The following FHIP1A variants were observed in gnomAD, a reference collection of about 807,000 sequenced individuals.
FHIP1A encodes the protein FHF complex subunit HOOK interacting protein 1A.
FHIP1A carries 61 observed loss-of-function variants against 88.6 expected under a neutral mutation model. The observed-to-expected ratio is 0.69, with a 90% CI of 0.56 to 0.85. The LOEUF is 0.85. FHIP1A is among the 40% of genes least tolerant of loss of function. The probability of loss-of-function intolerance (pLI) is 0.00; values close to 1 mark genes in which losing one functional copy is unlikely to be tolerated. For synonymous variants in FHIP1A, 478 were observed against 496.0 expected, an observed-to-expected ratio of 0.96 and a Z score of 0.48; for missense variants, 1,154 against 1,273.5, an observed-to-expected ratio of 0.91 and a Z score of 1.43.
intron 13 of FHIP1A, among the ~76,000 whole-genome samples, chr4:151,660,632 G>T (rs961905862): frequency 3.3e-5 from 5 of 152,226 alleles, no homozygotes; most frequent in East Asian, 3.9e-4. Context: ...TCTAGCAGAG[G>T]TGATAAAACA....
intron 1 of FHIP1A, among the ~76,000 whole-genome samples, chr4:151,444,385 A>T (rs1278108378): frequency 6.6e-6 from 1 of 152,198 alleles, no homozygotes; most frequent in African/African-American, 2.4e-5. Flanking sequence ...AAGAATATAC[A>T]TAAGTACATG....
intron 1 of FHIP1A, among the ~76,000 whole-genome samples, chr4:151,436,965 C>T (rs1461861008): frequency 6.6e-6 from 1 of 151,952 alleles, no homozygotes; most frequent in Non-Finnish European, 1.5e-5. Context: ...AAATACTATG[C>T]AAATAGTTGT....
intron 1 of FHIP1A, 85 bp downstream of exon 1, chr4:151,409,550 C>T (rs1732517003): frequency 6.5e-6 from 1 of 152,692 alleles, no homozygotes. Flanking sequence ...TCGAAATGTC[C>T]CTTCTCTGCA....
At chr4:151,536,266 T>C (rs1317150372) in intron 3 of FHIP1A, among the ~76,000 whole-genome samples, 8 of 152,220 alleles carry the variant, frequency 5.3e-5, no homozygotes, top group Non-Finnish European at 1.2e-4. Context: ...GCTATTGACA[T>C]TGATACAGTT....
chr4:151,562,908 A>G (rs1356354366), intron 3 of FHIP1A, among the ~76,000 whole-genome samples: 1 of 152,190 alleles, frequency 6.6e-6, no homozygotes, highest in Non-Finnish European at 1.5e-5. Flanking sequence ...TTAGATGGCT[A>G]GAATCTGAGC....
At chr4:151,662,356 C>A in intron 13 of FHIP1A, 145 bp from the exon 14 acceptor site, 1 of 773,696 alleles carries the variant, frequency 1.3e-6, no homozygotes, top group Non-Finnish European at 2.0e-6. Context: ...ACAAGGGCTG[C>A]ATCTTCAGGA....
At chr4:151,483,405 T>G (rs1209084136) in intron 3 of FHIP1A, among the ~76,000 whole-genome samples, 1 of 152,026 alleles carries the variant, frequency 6.6e-6, no homozygotes. Flanking sequence ...CTGAAACTAG[T>G]GTATCAAAAT....
intron 2 of FHIP1A, among the ~76,000 whole-genome samples, chr4:151,456,176 C>G (rs369796946): frequency 5.6e-4 from 85 of 152,326 alleles, no homozygotes; most frequent in African/African-American, 1.9e-3. Context: ...AACCATAACT[C>G]TCTAATTTAT....
At chr4:151,517,140 G>A (rs1429013291) in intron 3 of FHIP1A, among the ~76,000 whole-genome samples, 22 of 152,126 alleles carry the variant, frequency 1.4e-4, no homozygotes, top group South Asian at 4.2e-4. Flanking sequence ...TGATGAGTTC[G>A]TGTCCTTTGT....
intron 3 of FHIP1A, among the ~76,000 whole-genome samples, chr4:151,487,736 T>C (rs1730139467): frequency 6.6e-6 from 1 of 152,244 alleles, no homozygotes; most frequent in Non-Finnish European, 1.5e-5. Context: ...ATACATTCTA[T>C]TATTTTTCTC....
chr4:151,444,040 G>C (rs745576255), intron 1 of FHIP1A, among the ~76,000 whole-genome samples: 1 of 149,166 alleles, frequency 6.7e-6, no homozygotes, highest in Non-Finnish European at 1.5e-5. Flanking sequence ...TGAGCCCAGA[G>C]CCTCCCCAGG....
chr4:151,611,841 AATATATCAGT>A (rs1286650139), intron 7 of FHIP1A, among the ~76,000 whole-genome samples: 2 of 152,222 alleles, frequency 1.3e-5, no homozygotes, highest in Non-Finnish European at 2.9e-5. Flanking sequence ...ATGAATTAAT[AATATATCAGT>A]TTTTCTCTAA....
intron 3 of FHIP1A, among the ~76,000 whole-genome samples, chr4:151,512,272 C>T (rs1731065576): frequency 6.6e-6 from 1 of 152,082 alleles, no homozygotes; most frequent in Non-Finnish European, 1.5e-5. Context: ...GACATCCACA[C>T]CAAAAACCCA....
chr4:151,529,215 T>C (rs1348271462), intron 3 of FHIP1A, among the ~76,000 whole-genome samples: 1 of 152,150 alleles, frequency 6.6e-6, no homozygotes, highest in African/African-American at 2.4e-5. Flanking sequence ...AGCTTACTGT[T>C]AGATCCTAGG....
chr4:151,484,638 T>G (rs1002919763), intron 3 of FHIP1A, among the ~76,000 whole-genome samples: 10 of 152,232 alleles, frequency 6.6e-5, no homozygotes, highest in African/African-American at 2.4e-4. Context: ...CTCTGAAAGC[T>G]TGAAGACAGT....
chr4:151,626,479 C>T (rs566899465), intron 7 of FHIP1A, among the ~76,000 whole-genome samples: 53 of 152,334 alleles, frequency 3.5e-4, no homozygotes, highest in South Asian at 1.0e-3. Context: ...TAAGCAGAGA[C>T]ATTCTTTAGA....
intron 1 of FHIP1A, among the ~76,000 whole-genome samples, chr4:151,435,233 T>C (rs1733758754): frequency 6.6e-6 from 1 of 152,152 alleles, no homozygotes; most frequent in African/African-American, 2.4e-5. Flanking sequence ...AGCTAACTAT[T>C]TTCCTACTCA....
At chr4:151,579,229 G>A (rs146287581) in intron 5 of FHIP1A, among the ~76,000 whole-genome samples, 23 of 152,244 alleles carry the variant, frequency 1.5e-4, no homozygotes, top group African/African-American at 3.9e-4. Context: ...CTGAGTGAGC[G>A]CTCATGTAAA....
At chr4:151,634,336 CA>C in intron 8 of FHIP1A, among the ~76,000 whole-genome samples, 1 of 151,668 alleles carries the variant, frequency 6.6e-6, no homozygotes. Context: ...CCATATTACT[CA>C]AAAGCAATCT....
Sources: allele counts gnomAD v4.1 joint callset (sites outside exome capture counted in the v4.1 genomes callset), GRCh38; gene constraint gnomAD v4.1.1; transcripts MANE v1.5; gene names NCBI Gene and HGNC (gene_info 2026-07-23, HGNC 2026-07-21).